Variants in PGM2L1 observed in about 807,000 individuals in gnomAD.
PGM2L1 encodes the protein glucose 1,6-bisphosphate synthase.
PGM2L1 carries 35 observed loss-of-function variants against 73.4 expected under a neutral mutation model. The observed-to-expected ratio is 0.48, with a 90% CI of 0.36 to 0.63. The LOEUF is 0.63. Ranked by LOEUF, PGM2L1 falls within the 30% of genes least tolerant of loss-of-function variation. The probability of loss-of-function intolerance (pLI) is 0.00; values close to 1 mark genes in which losing one functional copy is unlikely to be tolerated. For missense variants in PGM2L1, 570 were observed against 742.0 expected (o/e 0.77, Z 2.69); for synonymous variants, 225 against 253.8 (o/e 0.89, Z 1.08).
intron 5 of PGM2L1, among the ~76,000 whole-genome samples, chr11:74,359,539 ATG>A (rs1339166431): frequency 1.3e-5 from 2 of 148,174 alleles, no homozygotes; most frequent in African/African-American, 4.9e-5. Flanking sequence ...GTACATCTAT[ATG>A]TGTGTATATA....
At chr11:74,364,333 C>T (rs182197600) in intron 5 of PGM2L1, among the ~76,000 whole-genome samples, 4,862 of 152,296 alleles carry the variant, frequency 0.032, 268 homozygotes, top group African/African-American at 0.11. Flanking sequence ...CTCACCACTC[C>T]TATTCAACAT....
chr11:74,397,975 G>C (rs1214664606), intron 1 of PGM2L1, 76 bp downstream of exon 1: 4 of 1,450,248 alleles, frequency 2.8e-6, no homozygotes, highest in Non-Finnish European at 3.6e-6. Flanking sequence ...CAGCCCGCGG[G>C]GCGCTGGGTG....
Position 74,370,885 on chromosome 11 carries a change from C to T in PGM2L1, c.471+17G>A, listed in dbSNP as rs779737886. The T allele has an allele frequency of 1.9e-6, 3 of 1,581,884 alleles. No homozygotes were observed. Among genetic ancestry groups the T allele is most frequent in the Non-Finnish European group, 1.7e-6 (2 of 1,153,496 alleles). ...CAAGAGCAGCAAGCTATATGATCACCAACACAACACACTTACTACAAAAGG... is the reference window on the plus strand; with the variant it reads ...CAAGAGCAGCAAGCTATATGATCACTAACACAACACACTTACTACAAAAGG... On this transcript the variant is annotated intron_variant, in intron 4 of 13. Transcript: ENST00000298198.
At position 74,344,054 on chromosome 11, in the gene PGM2L1, C is replaced by T. The variant is rs61627600; in HGVS notation, c.1219-638G>A. 4.0e-3 allele frequency among the ~76,000 whole-genome samples: 606 copies of T among 152,026 alleles called. 6 individuals are homozygous for T. The highest frequency in any genetic ancestry group is 0.014 in the African/African-American group (573 of 41,468). ...CCTCCCAAAGTGCTGGGATTACAGG[C>T]GTGAGCCACCACGTCTGGCCCCATT... On this transcript the variant is annotated intron_variant, in intron 9 of 13. Coordinates refer to ENST00000298198, the MANE Select transcript of PGM2L1 (RefSeq NM_173582.6).
chr11:74,330,554 C>T lies in PGM2L1; in HGVS notation c.*6098G>A, dbSNP rs544289181. 2 of 152,710 alleles carry T rather than the reference C, an allele frequency of 1.3e-5. No homozygotes were observed. The highest frequency in any genetic ancestry group is 2.9e-5 in the Non-Finnish European group (2 of 68,022). 9.5% of individuals were successfully genotyped at this position (152,710 alleles called of 1,614,324 possible). A position where few individuals can be genotyped will look rare whatever the true frequency, so the allele number is the denominator to read the frequency against. ...TTCATTCTTGACTGCATAAATTTTA[C>T]CTGGCATATTCAATGAGGCATACAA... On this transcript the variant is annotated 3_prime_UTR_variant, in exon 14 of 14. Transcript: ENST00000298198.
At chr11:74,342,673 A>G (rs553118960) in intron 11 of PGM2L1, 23 bp from the exon 12 acceptor site, 26 of 1,488,076 alleles carry the variant, frequency 1.7e-5, no homozygotes, top group African/African-American at 1.6e-4. Flanking sequence ...TCAAAGTGCT[A>G]AAATTAGATT....
intron 13 of PGM2L1, among the ~76,000 whole-genome samples, chr11:74,337,724 T>C (rs1862119171): frequency 6.6e-6 from 1 of 152,192 alleles, no homozygotes; most frequent in Non-Finnish European, 1.5e-5. Flanking sequence ...TTGATGATAA[T>C]TTCCTTATGT....
At chr11:74,383,627 G>A (rs1194686615) in intron 1 of PGM2L1, among the ~76,000 whole-genome samples, 1 of 151,702 alleles carries the variant, frequency 6.6e-6, no homozygotes, top group African/African-American at 2.4e-5. Flanking sequence ...GCCCCAGTGT[G>A]TGTTGTTCCC....
rs1165870210 is a variant in PGM2L1, at chr11:74,334,434, A to C, written c.*2218T>G. On this transcript the variant is annotated 3_prime_UTR_variant, in exon 14 of 14. Coordinates refer to ENST00000298198, the MANE Select transcript of PGM2L1 (RefSeq NM_173582.6). ...AAGCATATAAAACAAAAGATGTTTT[A>C]CACATTTTAAAAATAAAACAAAAAT... The C allele has an allele frequency of 1.3e-5, 2 of 152,248 alleles. No individual in the cohort carries two copies. The highest frequency in any genetic ancestry group is 4.8e-5 in the African/African-American group (2 of 41,472). The allele number at this position is 152,248 out of a possible 1,614,324, so 9.4% of individuals were successfully genotyped here.
At chr11:74,357,483 T>C (rs965786998) in intron 5 of PGM2L1, among the ~76,000 whole-genome samples, 4 of 152,216 alleles carry the variant, frequency 2.6e-5, no homozygotes, top group Admixed American at 2.0e-4. Flanking sequence ...GAGATACTAC[T>C]GCACACCTAT....
intron 5 of PGM2L1, among the ~76,000 whole-genome samples, chr11:74,363,895 C>T (rs1862608610): frequency 6.6e-6 from 1 of 152,092 alleles, no homozygotes; most frequent in Non-Finnish European, 1.5e-5. Context: ...CAAAGCCTGG[C>T]AGAGACACAA....
chr11:74,367,064 T>C (rs1441509771), intron 5 of PGM2L1, among the ~76,000 whole-genome samples: 2 of 152,120 alleles, frequency 1.3e-5, no homozygotes, highest in Non-Finnish European at 2.9e-5. Context: ...ATAGCATCTG[T>C]AGAACCCGTT....
chr11:74,386,589 C>G (rs1010277739), intron 1 of PGM2L1, among the ~76,000 whole-genome samples: 1 of 152,052 alleles, frequency 6.6e-6, no homozygotes, highest in African/African-American at 2.4e-5. Context: ...AATCTTCCCA[C>G]CTAAGCCTCC....
chr11:74,387,634 T>C (rs1232967701), intron 1 of PGM2L1, among the ~76,000 whole-genome samples: 1 of 152,162 alleles, frequency 6.6e-6, no homozygotes, highest in Non-Finnish European at 1.5e-5. Flanking sequence ...TTTTGCCCCA[T>C]ATCCATTATC....
intron 1 of PGM2L1, among the ~76,000 whole-genome samples, chr11:74,387,616 T>G (rs967973327): frequency 2.0e-5 from 3 of 152,192 alleles, no homozygotes; most frequent in African/African-American, 4.8e-5. Context: ...ACTGTGCCCA[T>G]TTTAAATTTT....
intron 5 of PGM2L1, among the ~76,000 whole-genome samples, chr11:74,358,219 G>A (rs1052828572): frequency 4.6e-5 from 7 of 152,146 alleles, no homozygotes; most frequent in African/African-American, 1.7e-4. Context: ...CCACTCTAAT[G>A]GGGGATGTTG....
intron 5 of PGM2L1, among the ~76,000 whole-genome samples, chr11:74,362,977 C>T (rs1466922206): frequency 1.3e-5 from 2 of 152,220 alleles, no homozygotes; most frequent in African/African-American, 2.4e-5. Flanking sequence ...AAATTGACCA[C>T]ATACTTGGAA....
At chr11:74,396,548 G>A (rs1863179328) in intron 1 of PGM2L1, among the ~76,000 whole-genome samples, 1 of 152,084 alleles carries the variant, frequency 6.6e-6, no homozygotes, top group Non-Finnish European at 1.5e-5. Context: ...CCGAATAGCT[G>A]GGGCTACAGG....
chr11:74,386,833 A>T (rs1377877333), intron 1 of PGM2L1, among the ~76,000 whole-genome samples: 2 of 152,206 alleles, frequency 1.3e-5, no homozygotes, highest in African/African-American at 4.8e-5. Flanking sequence ...CTGAAAAAGA[A>T]AATCAAACAA....
Sources: allele counts gnomAD v4.1 joint callset (sites outside exome capture counted in the v4.1 genomes callset), GRCh38; gene constraint gnomAD v4.1.1; transcripts MANE v1.5; gene names NCBI Gene and HGNC (gene_info 2026-07-23, HGNC 2026-07-21).